The following GALNT18 variants were observed in gnomAD, a reference collection of about 807,000 sequenced individuals.
The protein encoded by GALNT18 is GalNAc-transferase 18.
GALNT18 carries 44 observed loss-of-function variants against 69.5 expected under a neutral mutation model. The observed-to-expected ratio is 0.63, with a 90% CI of 0.50 to 0.81. The LOEUF is 0.81. GALNT18 is among the 40% of genes least tolerant of loss of function. The pLI is 0.00. For synonymous variants in GALNT18, 364 were observed against 318.2 expected, an observed-to-expected ratio of 1.14 and a Z score of -1.53; for missense variants, 715 against 810.0, an observed-to-expected ratio of 0.88 and a Z score of 1.42.
intron 3 of GALNT18, among the ~76,000 whole-genome samples, chr11:11,386,067 C>T (rs1854050131): frequency 6.6e-6 from 1 of 152,164 alleles, no homozygotes; most frequent in Admixed American, 6.5e-5. Flanking sequence ...CCCTCATAGT[C>T]CTGCTGGCAC....
At chr11:11,526,459 A>AAC (rs1857527630) in intron 1 of GALNT18, among the ~76,000 whole-genome samples, 1 of 152,206 alleles carries the variant, frequency 6.6e-6, no homozygotes, top group South Asian at 2.1e-4. Flanking sequence ...CTGCTATAAA[A>AAC]ACCAGAACAT....
At chr11:11,560,196 G>GGTGGAATAAAA (rs1565012900) in intron 1 of GALNT18, among the ~76,000 whole-genome samples, 226 of 120,474 alleles carry the variant, frequency 1.9e-3, no homozygotes, top group Middle Eastern at 6.8e-3. Flanking sequence ...GATGGGATGG[G>GGTGGAATAAAA]TGAGATAGAA....
At position 11,296,611 on chromosome 11, in the gene GALNT18, G is replaced by C. The variant is rs546664856; in HGVS notation, c.1513-3418C>G. On this transcript the variant is annotated intron_variant, in intron 9 of 10. Coordinates refer to ENST00000227756, the MANE Select transcript of GALNT18 (RefSeq NM_198516.3). Reference sequence around the variant, plus strand: ...CTTGGCAGACACAAGTGGCTACTCAGGTAACAGCTGAAATCAGTTTTATCC... The same window carrying C: ...CTTGGCAGACACAAGTGGCTACTCACGTAACAGCTGAAATCAGTTTTATCC... Among the ~76,000 whole-genome samples the C allele has an allele frequency of 2.6e-5, 4 of 152,280 alleles. No homozygotes were observed. In the East Asian group the frequency reaches 5.8e-4, roughly 22 times the overall value.
At chr11:11,478,411 C>A (rs535128922) in intron 1 of GALNT18, among the ~76,000 whole-genome samples, 37 of 152,172 alleles carry the variant, frequency 2.4e-4, no homozygotes, top group Admixed American at 1.6e-3. Context: ...AGGGAGTAAA[C>A]CAAGAAAAAG....
chr11:11,421,772 T>C lies in GALNT18; in HGVS notation c.595+10849A>G, dbSNP rs1855010563. ...GCAGAGTCTCTGCAGAGGTCAGGAC[T>C]GGCCACGCTGCTAGCACACAGCATC... On this transcript the variant is annotated intron_variant, in intron 3 of 10. Coordinates refer to ENST00000227756, the MANE Select transcript of GALNT18 (RefSeq NM_198516.3). The surrounding 1 kb of genome is among the most constrained non-coding windows in gnomAD (Gnocchi z 5.6). 1.3e-5 allele frequency among the ~76,000 whole-genome samples: 2 copies of C among 151,162 alleles called. No homozygotes were observed. The highest frequency in any genetic ancestry group is 1.3e-4 in the Admixed American group (2 of 15,240).
intron 1 of GALNT18, chr11:11,475,332 G>C (rs1856366376): frequency 6.6e-6 from 1 of 152,142 alleles, no homozygotes; most frequent in Admixed American, 6.5e-5. Context: ...TTTCCACAGT[G>C]ATATCCTTCC....
At chr11:11,440,084 G>C (rs994147872) in intron 2 of GALNT18, among the ~76,000 whole-genome samples, 2 of 152,246 alleles carry the variant, frequency 1.3e-5, no homozygotes, top group African/African-American at 4.8e-5. Flanking sequence ...CTAAGTATAT[G>C]TGATCATCAA....
chr11:11,406,758 T>C (rs1854596252), intron 3 of GALNT18, among the ~76,000 whole-genome samples: 1 of 152,184 alleles, frequency 6.6e-6, no homozygotes, highest in South Asian at 2.1e-4. Flanking sequence ...GGGAGATGCC[T>C]GAGATAAAAG....
intron 1 of GALNT18, among the ~76,000 whole-genome samples, chr11:11,529,638 T>TATACACACAC (rs10624956): frequency 5.5e-5 from 4 of 72,954 alleles, no homozygotes; most frequent in African/African-American, 1.7e-4. Context: ...TATATATATA[T>TATACACACAC]ACACACACAC....
intron 3 of GALNT18, among the ~76,000 whole-genome samples, chr11:11,418,183 C>T (rs1854910258): frequency 6.6e-6 from 1 of 152,204 alleles, no homozygotes; most frequent in Non-Finnish European, 1.5e-5. Context: ...GAGTCATTCA[C>T]TGAGCCCTCA....
intron 1 of GALNT18, among the ~76,000 whole-genome samples, chr11:11,611,462 G>C (rs1438277920): frequency 6.6e-6 from 1 of 152,170 alleles, no homozygotes; most frequent in East Asian, 1.9e-4. Context: ...CAAGAGCAGA[G>C]AGCAAAGACC....
chr11:11,276,691 A>C (rs751698650), intron 10 of GALNT18, among the ~76,000 whole-genome samples: 12 of 152,066 alleles, frequency 7.9e-5, no homozygotes, highest in Non-Finnish European at 1.6e-4. Flanking sequence ...TTCCATCGAT[A>C]CCTAGTTTAT....
At position 11,372,604 on chromosome 11, in the gene GALNT18, T is replaced by C. The variant is rs1272464214; in HGVS notation, c.1003A>G (p.Ile335Val). The C allele has an allele frequency of 6.2e-7, 1 of 1,614,142 alleles. No individual in the cohort carries two copies. Among genetic ancestry groups the C allele is most frequent in the Admixed American group, 1.7e-5 (1 of 60,024 alleles). ...IRSPALIGCF[I>V]VDRQYFQEIG... The stretch of plus-strand genomic sequence containing the variant: ...TCCTGGAAGTACTGCCGGTCCACAA[T>C]GAAGCAGCCAATGAGGGCAGGGCTC... The change falls in exon 6 of 11, where the codon ATT (isoleucine) becomes GTT (valine). Residue 335 changes from isoleucine to valine, a missense_variant. Transcript: ENST00000227756. The surrounding 1 kb of genome is among the most constrained non-coding windows in gnomAD (Gnocchi z 4.9).
intron 9 of GALNT18, among the ~76,000 whole-genome samples, chr11:11,303,004 A>G (rs1042655831): frequency 7.2e-5 from 11 of 152,170 alleles, no homozygotes. Flanking sequence ...AACCCATCCC[A>G]TTCACTTTGA....
At position 11,616,546 on chromosome 11, in the gene GALNT18, G is replaced by A. The variant is rs994909125; in HGVS notation, c.235+4813C>T. Among the ~76,000 whole-genome samples the A allele has an allele frequency of 4.6e-5, 7 of 152,222 alleles. No individual in the cohort carries two copies. Among genetic ancestry groups the A allele is most frequent in the Admixed American group, 1.3e-4 (2 of 15,292 alleles). Reference sequence around the variant, plus strand: ...AACAAATGTCCAATAATAGGAAAGTGGTTGAATCAATAATAGTATACTGAT... The same window carrying A: ...AACAAATGTCCAATAATAGGAAAGTAGTTGAATCAATAATAGTATACTGAT... On this transcript the variant is annotated intron_variant, in intron 1 of 10. Transcript: ENST00000227756. This position sits in a 1 kb window ranked among gnomAD's most constrained non-coding sequence, Gnocchi z 4.4.
In GALNT18 at chr11:11,605,769, ATTGT is replaced by A. The variant is rs1306960323; in HGVS notation, c.235+15586_235+15589del. Among the ~76,000 whole-genome samples, 19 of 152,090 alleles carry A rather than the reference ATTGT, an allele frequency of 1.2e-4. No homozygotes were observed. In the East Asian group the frequency reaches 3.3e-3, roughly 26 times the overall value. ...ACTTTTTACCTTCTGCACCCACTAG[ATTGT>A]TTTAGTTTGAAAGTGACCACAAGTG... On this transcript the variant is annotated intron_variant, in intron 1 of 10. Transcript: ENST00000227756. The surrounding 1 kb of genome is among the most constrained non-coding windows in gnomAD (Gnocchi z 4.7).
chr11:11,288,839 CAAA>C (rs1366277397), intron 10 of GALNT18, among the ~76,000 whole-genome samples: 4 of 150,876 alleles, frequency 2.7e-5, no homozygotes, highest in Non-Finnish European at 5.9e-5. Context: ...CTAAGATATG[CAAA>C]TGCCTATCTA....
intron 3 of GALNT18, among the ~76,000 whole-genome samples, chr11:11,399,928 T>C (rs1484923874): frequency 1.3e-5 from 2 of 152,258 alleles, no homozygotes; most frequent in Non-Finnish European, 2.9e-5. Flanking sequence ...ATTTAATGAT[T>C]GTGGTGGTTA....
In GALNT18 at chr11:11,337,961, ATTTT is replaced by A. The variant is rs11351706; in HGVS notation, c.1278+2854_1278+2857del. On this transcript the variant is annotated intron_variant, in intron 7 of 10. Transcript: ENST00000227756. The surrounding 1 kb of genome is among the most constrained non-coding windows in gnomAD (Gnocchi z 4.9). ...TGTACATAGCAGGAGTCATTTAAAG[ATTTT>A]TTTTTTTTTTTTTTTTTTGAGACAG... 4.2e-5 allele frequency among the ~76,000 whole-genome samples: 5 copies of A among 118,794 alleles called. No individual in the cohort carries two copies. The highest frequency in any genetic ancestry group is 9.3e-5 in the Admixed American group (1 of 10,790). 77.9% of individuals were successfully genotyped at this position (118,794 alleles called of 152,430 possible). A position where few individuals can be genotyped will look rare whatever the true frequency, so the allele number is the denominator to read the frequency against.
Sources: gnomAD v4.1 joint callset for allele counts (sites outside exome capture counted in the v4.1 genomes callset) on GRCh38, gnomAD v4.1.1 for gene constraint, Gnocchi (gnomAD v3.1) non-coding constraint, MANE v1.5 for transcripts, NCBI Gene and HGNC (gene_info 2026-07-23, HGNC 2026-07-21) for gene names.